PCDHGA1: variants seen among roughly 807,000 people sequenced by gnomAD.
PCDHGA1 encodes protocadherin gamma subfamily A, 1.
PCDHGA1 carries 32 observed loss-of-function variants against 58.0 expected under a neutral mutation model. The observed-to-expected ratio is 0.55, with a 90% CI of 0.42 to 0.74. The LOEUF (loss-of-function observed/expected upper bound fraction) is 0.74, where lower values mean the gene tolerates loss of function less well. Ranked by LOEUF, PCDHGA1 falls within the 30% of genes least tolerant of loss-of-function variation. The pLI is 0.00. For synonymous variants in PCDHGA1, 498 were observed against 501.1 expected (o/e 0.99, Z 0.08); for missense variants, 1,205 against 1,182.3 (o/e 1.02, Z -0.28).
chr5:141,485,172 C>T lies in PCDHGA1; in HGVS notation c.2422-9635C>T, dbSNP rs377648315. 3.9e-5 allele frequency: 62 copies of T among 1,610,044 alleles called. No individual in the cohort carries two copies. The highest frequency in any genetic ancestry group is 5.1e-5 in the Non-Finnish European group (60 of 1,176,944). On this transcript the variant is annotated intron_variant, in intron 1 of 3. Coordinates refer to ENST00000517417, the MANE Select transcript of PCDHGA1 (RefSeq NM_018912.3). The surrounding 1 kb of genome is among the most constrained non-coding windows in gnomAD (Gnocchi z 5.7). ...CAAGTAGAGAATTAGCGGGCGGCAGCAATGCTCCGCAAGGTGAGAAGCTGG... is the reference window on the plus strand; with the variant it reads ...CAAGTAGAGAATTAGCGGGCGGCAGTAATGCTCCGCAAGGTGAGAAGCTGG...
intron 1 of PCDHGA1, chr5:141,339,267 G>A: frequency 6.2e-7 from 1 of 1,614,258 alleles, no homozygotes; most frequent in Non-Finnish European, 8.5e-7. Context: ...TGCGCTCAGA[G>A]CGCACCCTGT....
intron 1 of PCDHGA1, chr5:141,355,377 G>A: frequency 6.2e-7 from 1 of 1,614,034 alleles, no homozygotes; most frequent in Non-Finnish European, 8.5e-7. Flanking sequence ...CCCGGGAGCT[G>A]GCGGAGCGCG....
intron 1 of PCDHGA1, chr5:141,356,868 C>A: frequency 6.2e-7 from 1 of 1,614,206 alleles, no homozygotes; most frequent in Non-Finnish European, 8.5e-7. Context: ...TGGACCAGAA[C>A]GACAATGTCC....
chr5:141,478,049 A>G, intron 1 of PCDHGA1: 2 of 1,614,056 alleles, frequency 1.2e-6, no homozygotes, highest in Middle Eastern at 3.3e-4. Flanking sequence ...GCAGACTCTC[A>G]CGGTCTTGAT....
At position 141,356,742 on chromosome 5, in the gene PCDHGA1, A is replaced by G. The variant is rs770003971; in HGVS notation, c.2421+23637A>G. 4.3e-6 allele frequency: 7 copies of G among 1,613,844 alleles called. No homozygotes were observed. The African/African-American group carries it at 8.0e-5, about 18-fold the overall frequency. On this transcript the variant is annotated intron_variant, in intron 1 of 3. Transcript: ENST00000517417. ...CCATCAACTCCAATACAGGGATCCTATATGCTCTTTGCTCCTTCGACTATG... is the reference window on the plus strand; with the variant it reads ...CCATCAACTCCAATACAGGGATCCTGTATGCTCTTTGCTCCTTCGACTATG...
rs113107293 is a variant in PCDHGA1, at chr5:141,432,844, A to G, written c.2422-61963A>G. ...CAGACCTCACTCTGTACCTGGTGGTAGCGGTGGCCGCGGTCTCCTGCGTCT... is the reference window on the plus strand; with the variant it reads ...CAGACCTCACTCTGTACCTGGTGGTGGCGGTGGCCGCGGTCTCCTGCGTCT... On this transcript the variant is annotated intron_variant, in intron 1 of 3. Coordinates refer to ENST00000517417, the MANE Select transcript of PCDHGA1 (RefSeq NM_018912.3). This position sits in a 1 kb window ranked among gnomAD's most constrained non-coding sequence, Gnocchi z 6.0. 0.01 allele frequency: 16,860 copies of G among 1,614,178 alleles called. 121 individuals carry two copies. Among genetic ancestry groups the G allele is most frequent in the Non-Finnish European group, 0.012 (14,441 of 1,180,006 alleles).
At position 141,431,413 on chromosome 5, in the gene PCDHGA1, C is replaced by A; in HGVS notation, c.2422-63394C>A. ...TGGTCCTTACGGCCTCCGACGGGGG[C>A]GACCCGGTGCGCACAGGCACCGCGC... On this transcript the variant is annotated intron_variant, in intron 1 of 3. Transcript: ENST00000517417. This position sits in a 1 kb window ranked among gnomAD's most constrained non-coding sequence, Gnocchi z 4.8. The A allele has an allele frequency of 6.2e-7, 1 of 1,613,682 alleles. No homozygotes were observed. Among genetic ancestry groups the A allele is most frequent in the Non-Finnish European group, 8.5e-7 (1 of 1,180,044 alleles).
intron 1 of PCDHGA1, chr5:141,385,005 C>A (rs754312286): frequency 6.8e-6 from 11 of 1,614,138 alleles, no homozygotes; most frequent in South Asian, 4.4e-5. Context: ...CAGTCTCCTG[C>A]GTCTTCCTAG....
chr5:141,332,784 C>T lies in PCDHGA1; in HGVS notation c.2100C>T (p.Val700=). ...TLYLVVAAAA[V]SCVFLAFVIV... is the part of the protein sequence containing the mutation. ...ACCTGGTGGTGGCGGCGGCCGCGGT[C>T]TCCTGCGTCTTCCTGGCCTTCGTCA... is the stretch of plus-strand genomic sequence containing the variant. The change falls in exon 1 of 4, where the codon GTC becomes GTT. Residue 700 remains valine (V), a synonymous_variant. Coordinates refer to ENST00000517417, the MANE Select transcript of PCDHGA1 (RefSeq NM_018912.3). This position sits in a 1 kb window ranked among gnomAD's most constrained non-coding sequence, Gnocchi z 4.6. The T allele has an allele frequency of 6.2e-7, 1 of 1,614,192 alleles. No homozygotes were observed. The highest frequency in any genetic ancestry group is 8.5e-7 in the Non-Finnish European group (1 of 1,180,024).
chr5:141,420,422 A>C, intron 1 of PCDHGA1: 1 of 1,196,438 alleles, frequency 8.4e-7, no homozygotes, highest in Non-Finnish European at 1.1e-6. Context: ...TATTAAAACA[A>C]AAGTTTAAAT....
intron 1 of PCDHGA1, chr5:141,424,529 A>G (rs1308118953): frequency 6.6e-6 from 1 of 152,218 alleles, no homozygotes; most frequent in Non-Finnish European, 1.5e-5. Context: ...AAATCCATAT[A>G]TAGAAATAAC....
intron 1 of PCDHGA1, among the ~76,000 whole-genome samples, chr5:141,380,385 A>G (rs543895642): frequency 3.0e-4 from 46 of 152,380 alleles, no homozygotes; most frequent in Non-Finnish European, 8.8e-5. Context: ...AAAAAAGAAA[A>G]GAGAGAAGAT....
intron 1 of PCDHGA1, chr5:141,410,165 T>G: frequency 1.9e-6 from 3 of 1,613,714 alleles, no homozygotes; most frequent in Non-Finnish European, 2.5e-6. Flanking sequence ...GCCGCCACTC[T>G]CTGCCACCGC....
chr5:141,485,444 G>A lies in PCDHGA1; in HGVS notation c.2422-9363G>A. 1 of 1,614,110 alleles carries A rather than the reference G, an allele frequency of 6.2e-7. No individual in the cohort carries two copies. Among genetic ancestry groups the A allele is most frequent in the Non-Finnish European group, 8.5e-7 (1 of 1,180,020 alleles). On this transcript the variant is annotated intron_variant, in intron 1 of 3. Coordinates refer to ENST00000517417, the MANE Select transcript of PCDHGA1 (RefSeq NM_018912.3). This position sits in a 1 kb window ranked among gnomAD's most constrained non-coding sequence, Gnocchi z 5.7. ...AGCCCTGCTCATCAAGAACCCAATC[G>A]ACCGAGAGGCACTGTGTGGGCTCAG...
In PCDHGA1 at chr5:141,421,238, G is replaced by C. The variant is rs920128735; in HGVS notation, c.2422-73569G>C. 3.1e-6 allele frequency: 5 copies of C among 1,597,422 alleles called. No individual in the cohort carries two copies. Among genetic ancestry groups the C allele is most frequent in the African/African-American group, 2.7e-5 (2 of 74,378 alleles). ...GGCTTAGAGCCTGCCATGGCGAATC[G>C]GCTACAGCGCGGGGACCGCAGTCGG... On this transcript the variant is annotated intron_variant, in intron 1 of 3. Transcript: ENST00000517417.
At chr5:141,419,424 A>G (rs1197238939) in intron 1 of PCDHGA1, 1 of 1,613,230 alleles carries the variant, frequency 6.2e-7, no homozygotes, top group Admixed American at 1.7e-5. Flanking sequence ...GCCTTCGACC[A>G]CGAGCAGCTG....
At chr5:141,366,937 T>G in intron 1 of PCDHGA1, 1 of 860,432 alleles carries the variant, frequency 1.2e-6, no homozygotes, top group Non-Finnish European at 1.7e-6. Context: ...TTGGGAAGTC[T>G]AGCTGATATC....
In PCDHGA1 at chr5:141,394,824, G is replaced by C. The variant is rs200702899; in HGVS notation, c.2421+61719G>C. The C allele has an allele frequency of 8.2e-4, 1,326 of 1,613,856 alleles. 15 individuals are homozygous for C. The highest frequency in any genetic ancestry group is 9.3e-4 in the Admixed American group (56 of 60,030). ...AGCCGTGGCTGACAGCATCCCCGAA[G>C]TCCTGACCGAGTTGGGCAGTCTGAA... On this transcript the variant is annotated intron_variant, in intron 1 of 3. Transcript: ENST00000517417.
chr5:141,395,542 TTGTGTGTGTGTGTGTGTGTG>T (rs55729045), intron 1 of PCDHGA1: 12 of 172,620 alleles, frequency 7.0e-5, no homozygotes, highest in Admixed American at 1.6e-4. Flanking sequence ...TTGCTATTGT[TTGTGTGTGTGTGTGTGTGTG>T]TGTGTGTGTG....
Sources: allele counts gnomAD v4.1 joint callset (sites outside exome capture counted in the v4.1 genomes callset), GRCh38; gene constraint gnomAD v4.1.1; non-coding constraint Gnocchi (gnomAD v3.1); transcripts MANE v1.5; gene names NCBI Gene and HGNC (gene_info 2026-07-23, HGNC 2026-07-21).